Variants in TUBGCP5 observed in about 807,000 individuals in gnomAD.
TUBGCP5 encodes the protein tubulin gamma complex component 5.
A neutral mutation model predicts 134.7 loss-of-function variants in TUBGCP5; 98 were observed. The observed-to-expected ratio is 0.73, with a 90% CI of 0.62 to 0.86. TUBGCP5 has a LOEUF of 0.86. Among genes scored for constraint, TUBGCP5 ranks in the 40% least tolerant of loss-of-function variants. TUBGCP5 has a pLI of 0.00. For missense variants in TUBGCP5, 1,150 were observed against 1,244.8 expected, an observed-to-expected ratio of 0.92 and a Z score of 1.15; for synonymous variants, 456 against 431.4, an observed-to-expected ratio of 1.06 and a Z score of -0.71.
chr15:23,029,843 T>C (rs1342737694), intron 6 of TUBGCP5, among the ~76,000 whole-genome samples: 1 of 151,674 alleles, frequency 6.6e-6, no homozygotes, highest in East Asian at 1.9e-4. Flanking sequence ...ATCATGCTAC[T>C]GTACCATAGC....
intron 20 of TUBGCP5, among the ~76,000 whole-genome samples, 175 bp from the exon 21 acceptor site, chr15:23,003,328 C>A (rs987055092): frequency 6.6e-6 from 1 of 152,212 alleles, no homozygotes; most frequent in Admixed American, 6.5e-5. Context: ...CAGGCACATG[C>A]ATTCACTGAA....
intron 4 of TUBGCP5, 106 bp from the exon 5 acceptor site, chr15:23,032,135 T>A: frequency 3.0e-6 from 2 of 665,856 alleles, no homozygotes; most frequent in Non-Finnish European, 4.9e-6. Context: ...ACTCAGGAAA[T>A]AAAAATTTAA....
chr15:23,005,731 G>A (rs1166105971), intron 18 of TUBGCP5, 121 bp from the exon 19 acceptor site: 2 of 1,106,956 alleles, frequency 1.8e-6, no homozygotes, highest in East Asian at 5.0e-5. Context: ...GCACTGGCAG[G>A]GGTGGCAGGA....
At chr15:22,987,972 C>T (rs1156641544) in intron 23 of TUBGCP5, among the ~76,000 whole-genome samples, 1 of 150,478 alleles carries the variant, frequency 6.6e-6, no homozygotes. Context: ...AAGACACAGC[C>T]AGACAACAGC....
intron 15 of TUBGCP5, among the ~76,000 whole-genome samples, chr15:23,009,288 A>C (rs1331322914): frequency 7.9e-6 from 1 of 126,384 alleles, no homozygotes; most frequent in African/African-American, 3.1e-5. Flanking sequence ...TTTTTTTTTG[A>C]GATGGAGTCT....
rs772147315 is a variant in TUBGCP5 at position 23,005,588 on chromosome 15, T to G, written c.2556A>C (p.Lys852Asn). 6.2e-7 allele frequency: 1 copy of G among 1,614,000 alleles called. No individual in the cohort carries two copies. The highest frequency in any genetic ancestry group is 1.1e-5 in the South Asian group (1 of 91,060). The part of the protein sequence containing the change: ...LFGELVSTAE[K>N]PRLKEGLIHE... The stretch of plus-strand genomic sequence containing the variant: ...GTATAAGGCCTTCTTTAAGTCGTGG[T>G]TTTTCTGCAGTACTAACCAGTTCTA... The change falls in exon 19 of 23, where the codon AAA (lysine) becomes AAC (asparagine). Residue 852 changes from lysine (K) to asparagine (N), a missense_variant. Coordinates refer to ENST00000615383, the MANE Select transcript of TUBGCP5 (RefSeq NM_052903.6).
exon 24 of TUBGCP5, chr15:22,983,458 T>C (rs1458251257): frequency 6.6e-6 from 1 of 152,110 alleles, no homozygotes; most frequent in Non-Finnish European, 1.5e-5. Context: ...AAGTTTAATT[T>C]ATAAAGTACA....
chr15:23,039,343 C>G (rs1444361156), intron 1 of TUBGCP5, 55 bp downstream of exon 1: 1 of 1,310,396 alleles, frequency 7.6e-7, no homozygotes, highest in Non-Finnish European at 9.8e-7. Context: ...GTGCGGGACC[C>G]ACGCGCGGGC....
intron 23 of TUBGCP5, among the ~76,000 whole-genome samples, chr15:22,986,809 GA>G (rs1267044309): frequency 6.6e-6 from 1 of 152,072 alleles, no homozygotes; most frequent in Non-Finnish European, 1.5e-5. Flanking sequence ...GGTCTGCAGG[GA>G]ATAGGATGGA....
At chr15:22,983,364 CT>C (rs2063588553) in exon 24 of TUBGCP5, 1 of 152,182 alleles carries the variant, frequency 6.6e-6, no homozygotes, top group Non-Finnish European at 1.5e-5. Flanking sequence ...TTCAAGACCC[CT>C]GGTGGATGTC....
At position 23,037,161 on chromosome 15, in the gene TUBGCP5, G is replaced by C; in HGVS notation, c.147-9C>G. ...CCAAGAAACGATGAAATCTATTAAA[G>C]ACAAAATGCAATTCTTATGCCAACT... is the stretch of plus-strand genomic sequence containing the variant. On this transcript the variant is annotated splice_polypyrimidine_tract_variant and intron_variant, in intron 1 of 22. Coordinates refer to ENST00000615383, the MANE Select transcript of TUBGCP5 (RefSeq NM_052903.6). 6.2e-6 allele frequency: 10 copies of C among 1,611,126 alleles called. No homozygotes were observed. Among genetic ancestry groups the C allele is most frequent in the Non-Finnish European group, 8.5e-6 (10 of 1,179,518 alleles).
At chr15:23,000,338 A>G in intron 22 of TUBGCP5, 1 of 1,276,434 alleles carries the variant, frequency 7.8e-7, no homozygotes, top group Non-Finnish European at 9.9e-7. Flanking sequence ...GGAGTTTTAG[A>G]AATCTGTTGT....
In TUBGCP5 at chr15:23,010,067, T is replaced by C. The variant is rs17137283; in HGVS notation, c.2022A>G (p.Ser674=). ...AAGTCTGGCATGTCACAGATTCCGA[T>C]GATCTATCCACACATACATCACCAC... ...FAGGDVCVDR[S]SESVTCQTFE... Residue 674 remains serine (S), a synonymous_variant, in exon 15 of 23, where the codon TCA becomes TCG. Coordinates refer to ENST00000615383, the MANE Select transcript of TUBGCP5 (RefSeq NM_052903.6). 7.1e-3 allele frequency: 11,401 copies of C among 1,614,160 alleles called. 728 individuals are homozygous for C. In the African/African-American group the frequency reaches 0.13, roughly 19 times the overall value.
Position 23,024,770 on chromosome 15 carries a change from C to A in TUBGCP5, c.888G>T (p.Val296=). The change falls in exon 9 of 23, where the codon GTG becomes GTT. Residue 296 remains valine (V), a synonymous_variant. Transcript: ENST00000615383. ...IFQLIDGKVT[V]RNNIIVTHLT... is the part of the protein sequence containing the mutation. ...AATGAGTTACTATAATATTGTTTCT[C>A]ACAGTTACCTTCCCATCTATCAACT... 1.3e-6 allele frequency: 2 copies of A among 1,591,352 alleles called. No homozygotes were observed.
At chr15:23,026,608 A>G (rs988867847) in intron 7 of TUBGCP5, among the ~76,000 whole-genome samples, 3 of 152,192 alleles carry the variant, frequency 2.0e-5, no homozygotes, top group African/African-American at 4.8e-5. Flanking sequence ...ATGATTTTCA[A>G]TAACAAATAA....
At chr15:23,034,253 A>C (rs1207540640) in intron 3 of TUBGCP5, among the ~76,000 whole-genome samples, 2 of 152,218 alleles carry the variant, frequency 1.3e-5, no homozygotes, top group African/African-American at 4.8e-5. Context: ...TAAAAGCCCC[A>C]GAGTCCTGGG....
At chr15:23,021,549 T>C (rs984269996) in intron 11 of TUBGCP5, among the ~76,000 whole-genome samples, 2 of 152,172 alleles carry the variant, frequency 1.3e-5, no homozygotes, top group Non-Finnish European at 2.9e-5. Context: ...CAGAACTTTT[T>C]CATGTTATAA....
intron 22 of TUBGCP5, 25 bp from the exon 23 acceptor site, chr15:22,999,891 T>TA (rs903566867): frequency 3.7e-6 from 6 of 1,612,044 alleles, no homozygotes; most frequent in Non-Finnish European, 5.1e-6. Flanking sequence ...AAAATAAGGT[T>TA]AAAACAATAG....
chr15:23,034,588 G>A (rs2066478070), intron 3 of TUBGCP5, among the ~76,000 whole-genome samples: 1 of 152,104 alleles, frequency 6.6e-6, no homozygotes, highest in South Asian at 2.1e-4. Context: ...AGCAGGCCGG[G>A]GTGGCTCACG....
Sources: gnomAD v4.1 joint callset for allele counts (sites outside exome capture counted in the v4.1 genomes callset) on GRCh38, gnomAD v4.1.1 for gene constraint, MANE v1.5 for transcripts, NCBI Gene and HGNC (gene_info 2026-07-23, HGNC 2026-07-21) for gene names.